ANKRD62: variants seen among roughly 807,000 people sequenced by gnomAD.
ANKRD62 encodes the protein ankyrin repeat domain-containing protein 62.
A neutral mutation model predicts 98.8 loss-of-function variants in ANKRD62; 61 were observed. That is an observed-to-expected ratio of 0.62 (90% CI 0.50 to 0.76). The LOEUF (loss-of-function observed/expected upper bound fraction) is 0.76. Among genes scored for constraint, ANKRD62 ranks in the 30% least tolerant of loss-of-function variants. ANKRD62 has a pLI of 0.00. For missense variants in ANKRD62, 933 were observed against 1,082.9 expected (o/e 0.86, Z 1.94); for synonymous variants, 341 against 367.9 (o/e 0.93, Z 0.84).
intron 7 of ANKRD62, among the ~76,000 whole-genome samples, chr18:12,106,316 A>G (rs1274965478): frequency 1.3e-5 from 2 of 152,156 alleles, no homozygotes; most frequent in Non-Finnish European, 2.9e-5. Context: ...TTTGACTCCA[A>G]AGTAGCAACA....
Position 12,113,269 on chromosome 18 carries a change from G to A in ANKRD62, c.1065-1819G>A, listed in dbSNP as rs147691352. 1.4e-4 allele frequency among the ~76,000 whole-genome samples: 22 copies of A among 152,216 alleles called. No homozygotes were observed. The East Asian group carries it at 3.3e-3, about 23-fold the overall frequency. ...GAAAAAAAGCTCAACTTCACTGATC[G>A]TTAGAGAAATGCAAATCATAACCCC... On this transcript the variant is annotated intron_variant, in intron 8 of 13. Transcript: ENST00000587848.
the ANKRD62 span, among the ~76,000 whole-genome samples, chr18:12,159,548 A>G: frequency 1.3e-5 from 2 of 152,222 alleles, no homozygotes; most frequent in African/African-American, 4.8e-5. Flanking sequence ...ATTGTCCAAT[A>G]AGTAGAGTCT....
chr18:12,161,465 C>T, the ANKRD62 span, among the ~76,000 whole-genome samples: 6 of 104,966 alleles, frequency 5.7e-5, no homozygotes, highest in African/African-American at 2.1e-4. Context: ...TTGGTACAGG[C>T]GTGCAATGCA....
At chr18:12,102,366 G>A in intron 6 of ANKRD62, 1 of 614,458 alleles carries the variant, frequency 1.6e-6, no homozygotes. Flanking sequence ...GGTCGGTTCT[G>A]AAGTAATGCT....
chr18:12,163,183 T>C, the ANKRD62 span, among the ~76,000 whole-genome samples: 2 of 151,660 alleles, frequency 1.3e-5, no homozygotes, highest in East Asian at 3.9e-4. Context: ...GTCCTCTTAT[T>C]ATCAGTGTTT....
At position 12,122,454 on chromosome 18, in the gene ANKRD62, C is replaced by T; in HGVS notation, c.1392C>T (p.Asp464=). 2 of 1,534,844 alleles carry T rather than the reference C, an allele frequency of 1.3e-6. No homozygotes were observed. The highest frequency in any genetic ancestry group is 1.7e-6 in the Non-Finnish European group (2 of 1,146,476). ...SVLQKVLSET[D]KTKSQSEHQN... ...TACAAAAGGTACTATCTGAAACAGA[C>T]AAAACCAAATCACAGTCAGAGCATC... Residue 464 remains aspartate (D), a synonymous_variant, in exon 11 of 14, where the codon GAC becomes GAT. Coordinates refer to ENST00000587848, the MANE Select transcript of ANKRD62 (RefSeq NM_001277333.2).
chr18:12,127,245 A>T (rs1909911424), intron 13 of ANKRD62, among the ~76,000 whole-genome samples: 1 of 152,156 alleles, frequency 6.6e-6, no homozygotes, highest in Non-Finnish European at 1.5e-5. Flanking sequence ...GGGAAGAGAG[A>T]CATAGCAGCT....
chr18:12,108,227 G>A (rs1055363148), intron 8 of ANKRD62, among the ~76,000 whole-genome samples: 1 of 152,138 alleles, frequency 6.6e-6, no homozygotes, highest in Non-Finnish European at 1.5e-5. Context: ...CTGCTGTAAA[G>A]ACACTACCTG....
chr18:12,152,857 G>T, the ANKRD62 span, among the ~76,000 whole-genome samples: 14 of 152,182 alleles, frequency 9.2e-5, no homozygotes, highest in African/African-American at 3.4e-4. Context: ...TCGTGCCATT[G>T]CCCTCCAAGC....
downstream of ANKRD62, among the ~76,000 whole-genome samples, chr18:12,131,088 G>A (rs1490670690): frequency 6.6e-6 from 1 of 152,206 alleles, no homozygotes; most frequent in Non-Finnish European, 1.5e-5. Context: ...CTTTCCCGTT[G>A]TGGTATCATG....
At chr18:12,172,828 T>C in the ANKRD62 span, among the ~76,000 whole-genome samples, 1 of 152,136 alleles carries the variant, frequency 6.6e-6, no homozygotes, top group Non-Finnish European at 1.5e-5. Flanking sequence ...TCCCCCAACC[T>C]CACTGCCACC....
chr18:12,116,990 C>T (rs1427960855), intron 10 of ANKRD62, among the ~76,000 whole-genome samples: 1 of 152,060 alleles, frequency 6.6e-6, no homozygotes, highest in East Asian at 1.9e-4. Flanking sequence ...AGATTTATCT[C>T]TGTTTCAGTT....
chr18:12,134,724 A>G (rs1442904969), downstream of ANKRD62, among the ~76,000 whole-genome samples: 1 of 152,168 alleles, frequency 6.6e-6, no homozygotes, highest in African/African-American at 2.4e-5. Context: ...TTATGGCTGC[A>G]TAGTATTCCA....
the ANKRD62 span, among the ~76,000 whole-genome samples, chr18:12,157,478 C>A: frequency 6.6e-6 from 1 of 151,938 alleles, no homozygotes; most frequent in Non-Finnish European, 1.5e-5. Context: ...TTTTGCCTTG[C>A]CAATTTTGTT....
intron 7 of ANKRD62, among the ~76,000 whole-genome samples, chr18:12,103,842 A>T (rs1909359236): frequency 6.6e-6 from 1 of 152,138 alleles, no homozygotes; most frequent in Non-Finnish European, 1.5e-5. Flanking sequence ...TTAAATTTTT[A>T]AAATCAACTG....
chr18:12,108,718 C>A (rs972020410), intron 8 of ANKRD62, among the ~76,000 whole-genome samples: 1 of 94,502 alleles, frequency 1.1e-5, no homozygotes, highest in Admixed American at 9.7e-5. Context: ...CCTGTGAAAT[C>A]AAAAATTAGT....
chr18:12,101,922 G>T, intron 6 of ANKRD62: 1 of 782,728 alleles, frequency 1.3e-6, no homozygotes, highest in Non-Finnish European at 2.3e-6. Context: ...CTTATTGTGA[G>T]TTGAATGGCA....
chr18:12,155,840 T>A, the ANKRD62 span, among the ~76,000 whole-genome samples: 64 of 152,266 alleles, frequency 4.2e-4, no homozygotes, highest in East Asian at 0.011. Flanking sequence ...TTCCTTCAGA[T>A]AGACATTGGG....
the ANKRD62 span, among the ~76,000 whole-genome samples, chr18:12,179,636 T>C: frequency 6.6e-6 from 1 of 151,504 alleles, no homozygotes; most frequent in Non-Finnish European, 1.5e-5. Context: ...TAACTGCTGC[T>C]GCCTGGAACA....
Sources: allele counts gnomAD v4.1 joint callset (sites outside exome capture counted in the v4.1 genomes callset), GRCh38; gene constraint gnomAD v4.1.1; transcripts MANE v1.5; gene names NCBI Gene and HGNC (gene_info 2026-07-23, HGNC 2026-07-21).